SRGAP2: variants seen among roughly 807,000 people sequenced by gnomAD.
SRGAP2 encodes SLIT-ROBO Rho GTPase-activating protein 2.
A neutral mutation model predicts 57.2 loss-of-function variants in SRGAP2; 15 were observed. That is an observed-to-expected ratio of 0.26 (90% CI 0.18 to 0.40). SRGAP2 has a LOEUF of 0.40. Among genes scored for constraint, SRGAP2 ranks in the 10% least tolerant of loss-of-function variants. The probability of loss-of-function intolerance (pLI) is 1.00; values close to 1 mark genes in which losing one functional copy is unlikely to be tolerated. For synonymous variants in SRGAP2, 249 were observed against 248.0 expected (o/e 1.00, Z -0.04); for missense variants, 520 against 669.6 (o/e 0.78, Z 2.47).
intron 14 of SRGAP2, among the ~76,000 whole-genome samples, chr1:206,430,538 TACTC>T (rs1364149038): frequency 1.3e-5 from 2 of 152,276 alleles, no homozygotes; most frequent in Non-Finnish European, 2.9e-5. Flanking sequence ...GTTTCACCAT[TACTC>T]ACAGTCTTTG....
intron 3 of SRGAP2, among the ~76,000 whole-genome samples, chr1:206,325,892 G>A (rs1426918808): frequency 1.3e-5 from 2 of 152,208 alleles, no homozygotes; most frequent in African/African-American, 4.8e-5. Flanking sequence ...TGGCAGACGA[G>A]CATAAGAATC....
At position 206,303,342 on chromosome 1, in the gene SRGAP2, G is replaced by A. The variant is rs1671983719; in HGVS notation, c.129G>A (p.Val43=). Residue 43 remains valine, a synonymous_variant, in exon 3 of 23, where the codon GTG becomes GTA. Coordinates refer to ENST00000573034, the MANE Select transcript of SRGAP2 (RefSeq NM_015326.5). ...TGGACCAGCAGTGTGAGCTTCGGGT[G>A]CAACTGTTGCAGGACCTCCAGGACT... ...KCLDQQCELR[V]QLLQDLQDFF... 3 of 1,461,448 alleles carry A rather than the reference G, an allele frequency of 2.1e-6. No individual in the cohort carries two copies. Among genetic ancestry groups the A allele is most frequent in the Admixed American group, 2.2e-5 (1 of 46,052 alleles). 90.5% of individuals were successfully genotyped at this position (1,461,448 alleles called of 1,614,324 possible). A position where few individuals can be genotyped will look rare whatever the true frequency, so the allele number is the denominator to read the frequency against.
chr1:206,335,513 G>A (rs1156962627), intron 3 of SRGAP2, among the ~76,000 whole-genome samples: 3 of 151,668 alleles, frequency 2.0e-5, no homozygotes, highest in Admixed American at 6.6e-5. Context: ...TTAGGAGCAG[G>A]AAAGCCATGT....
chr1:206,398,749 G>A (rs559877935), intron 7 of SRGAP2, among the ~76,000 whole-genome samples: 4 of 152,266 alleles, frequency 2.6e-5, no homozygotes, highest in African/African-American at 4.8e-5. Flanking sequence ...ATGAAGAAGC[G>A]TATTCCTTGT....
rs1675209665 is a variant in SRGAP2, at chr1:206,341,766, G to A, written c.261-1080G>A. ...TAATCCCAGCATTTTGGGAGGCCAA[G>A]GTGGGTGGATCACTTGAGGTCGGGA... On this transcript the variant is annotated intron_variant, in intron 3 of 22. Coordinates refer to ENST00000573034, the MANE Select transcript of SRGAP2 (RefSeq NM_015326.5). 1.3e-5 allele frequency among the ~76,000 whole-genome samples: 2 copies of A among 152,212 alleles called. 1 individual carries two copies. Among genetic ancestry groups the A allele is most frequent in the Admixed American group, 1.3e-4 (2 of 15,288 alleles).
chr1:206,424,693 C>T (rs1660636918), intron 13 of SRGAP2, among the ~76,000 whole-genome samples: 1 of 152,186 alleles, frequency 6.6e-6, no homozygotes, highest in African/African-American at 2.4e-5. Flanking sequence ...ACTCAGTTAA[C>T]TCTATGCAAG....
At chr1:206,453,174 G>T (rs1449030610) in intron 19 of SRGAP2, 26 bp from the exon 20 acceptor site, 2 of 477,602 alleles carry the variant, frequency 4.2e-6, no homozygotes, top group Non-Finnish European at 7.8e-6. Flanking sequence ...AAGAACATGT[G>T]TTTACTTCTT....
At chr1:206,398,998 G>T (rs1382447728) in intron 7 of SRGAP2, among the ~76,000 whole-genome samples, 1 of 152,052 alleles carries the variant, frequency 6.6e-6, no homozygotes, top group African/African-American at 2.4e-5. Flanking sequence ...GTGTCTACAT[G>T]GTACCAAATA....
At chr1:206,220,378 A>T (rs2102476430) in intron 2 of SRGAP2, among the ~76,000 whole-genome samples, 1 of 152,324 alleles carries the variant, frequency 6.6e-6, no homozygotes, top group South Asian at 2.1e-4. Flanking sequence ...AACTATTTGG[A>T]GTAGGAGTGA....
At chr1:206,358,453 A>C (rs75094137) in intron 4 of SRGAP2, among the ~76,000 whole-genome samples, 10,576 of 143,052 alleles carry the variant, frequency 0.074, 984 homozygotes, top group African/African-American at 0.23. Context: ...ACAAACTGGG[A>C]GATCCAGTCT....
chr1:206,418,189 C>T (rs1413357371), intron 11 of SRGAP2, among the ~76,000 whole-genome samples: 1 of 152,044 alleles, frequency 6.6e-6, no homozygotes, highest in Non-Finnish European at 1.5e-5. Flanking sequence ...TGCAGGAGCC[C>T]CTTGTTCTTG....
In SRGAP2 at chr1:206,440,008, A is replaced by G. The variant is rs374718819; in HGVS notation, c.1801A>G (p.Ile601Val). The change falls in exon 17 of 23, where the codon ATC becomes GTC. Residue 601 changes from isoleucine (I) to valine (V), a missense_variant. Around this residue, in one of 5 missense-constraint regions of SRGAP2, gnomAD observed 478 missense variants for 373.6 expected, o/e 1.28. Coordinates refer to ENST00000573034, the MANE Select transcript of SRGAP2 (RefSeq NM_015326.5). ...MDNLQERALH[I>V]RKVLLVLPKT... Reference sequence around the variant, plus strand: ...CAACCTGCAGGAGAGAGCTCTGCACATCCGGAAAGTCCTCCTAGTCCTGCC... The same window carrying G: ...CAACCTGCAGGAGAGAGCTCTGCACGTCCGGAAAGTCCTCCTAGTCCTGCC... The G allele has an allele frequency of 7.7e-5, 60 of 780,750 alleles. No homozygotes were observed. Among genetic ancestry groups the G allele is most frequent in the Middle Eastern group, 4.5e-4 (2 of 4,462 alleles). The allele number at this position is 780,750 out of a possible 1,614,324, so 48.4% of individuals were successfully genotyped here. A position where few individuals can be genotyped will look rare whatever the true frequency, so the allele number is the denominator to read the frequency against.
chr1:206,450,441 G>A lies in SRGAP2; in HGVS notation c.2155G>A (p.Ala719Thr), dbSNP rs201846020. Reference protein sequence around the residue: ...SVEDSTQDVTAEHHTSDDECE... With the variant: ...SVEDSTQDVTTEHHTSDDECE... ...TGAAGACTCAACCCAGGATGTGACC[G>A]CAGAGCACCACACGAGCGATGACGG... is the stretch of plus-strand genomic sequence containing the variant. Residue 719 changes from alanine to threonine, a missense_variant, in exon 19 of 23, where the codon GCA becomes ACA. By Grantham distance (58) the Ala-to-Thr change is moderately conservative. Around this residue, in one of 5 missense-constraint regions of SRGAP2, gnomAD observed 478 missense variants for 373.6 expected, o/e 1.28. Coordinates refer to ENST00000573034, the MANE Select transcript of SRGAP2 (RefSeq NM_015326.5). The A allele has an allele frequency of 3.3e-4, 254 of 780,758 alleles. No individual in the cohort carries two copies. In the African/African-American group the frequency reaches 3.6e-3, roughly 11 times the overall value. 48.4% of individuals were successfully genotyped at this position (780,758 alleles called of 1,614,324 possible). A position where few individuals can be genotyped will look rare whatever the true frequency, so the allele number is the denominator to read the frequency against.
rs1211372696 is a variant in SRGAP2, at chr1:206,241,622, C to T, written c.67+35585C>T. 2.6e-5 allele frequency among the ~76,000 whole-genome samples: 4 copies of T among 151,678 alleles called. 1 individual carries two copies. Among genetic ancestry groups the T allele is most frequent in the Non-Finnish European group, 4.4e-5 (3 of 67,944 alleles). The stretch of plus-strand genomic sequence containing the variant: ...TCATTAAGATAAAGACTTCTACTTC[C>T]GAAGCAGTATGGTGCTTGGGTCAGT... On this transcript the variant is annotated intron_variant, in intron 2 of 22. Transcript: ENST00000573034.
intron 3 of SRGAP2, among the ~76,000 whole-genome samples, chr1:206,325,507 C>G (rs1211504676): frequency 6.6e-6 from 1 of 151,436 alleles, no homozygotes; most frequent in Non-Finnish European, 1.5e-5. Context: ...CCATGCCCAG[C>G]TAGTTTTTTG....
At chr1:206,440,133 G>C in intron 17 of SRGAP2, 52 bp downstream of exon 17, 1 of 767,644 alleles carries the variant, frequency 1.3e-6, no homozygotes, top group South Asian at 1.4e-5. Flanking sequence ...TTGGGCACTG[G>C]AAGTTCCTCT....
chr1:206,275,802 A>G (rs1382862737), intron 2 of SRGAP2, among the ~76,000 whole-genome samples: 1 of 151,874 alleles, frequency 6.6e-6, no homozygotes, highest in Admixed American at 6.6e-5. Flanking sequence ...TTTTTAGTAG[A>G]GACGGGGCTT....
chr1:206,433,934 A>G (rs1278781047), intron 14 of SRGAP2, among the ~76,000 whole-genome samples: 1 of 152,212 alleles, frequency 6.6e-6, no homozygotes, highest in Non-Finnish European at 1.5e-5. Context: ...TATATTGTGG[A>G]TTTTTTAACA....
chr1:206,252,624 G>T (rs201535321), intron 2 of SRGAP2, among the ~76,000 whole-genome samples: 1 of 54,664 alleles, frequency 1.8e-5, no homozygotes, highest in African/African-American at 7.8e-5. Context: ...AAGCACTGGC[G>T]CTCAGTGGCA....
Sources: gnomAD v4.1 joint callset for allele counts (sites outside exome capture counted in the v4.1 genomes callset) on GRCh38, gnomAD v4.1.1 for gene constraint, gnomAD v4.1.1 regional missense constraint, MANE v1.5 for transcripts, NCBI Gene and HGNC (gene_info 2026-07-23, HGNC 2026-07-21) for gene names.